The following RAB31 variants were observed in gnomAD, a reference collection of about 807,000 sequenced individuals.
RAB31 encodes the protein ras-related protein Rab-31.
In RAB31, 21 loss-of-function variants were observed where a neutral mutation model predicts 25.6. The ratio of observed to expected loss-of-function variants is 0.82; its 90% CI spans 0.58 to 1.18. The LOEUF (loss-of-function observed/expected upper bound fraction) is 1.18, where lower values mean the gene tolerates loss of function less well. Ranked by LOEUF, RAB31 falls within the 50% of genes most tolerant of loss-of-function variation. The pLI, the probability that RAB31 is intolerant of heterozygous loss-of-function variation, is 0.00. For synonymous variants in RAB31, 87 were observed against 84.0 expected (o/e 1.04, Z -0.20); for missense variants, 196 against 250.1 (o/e 0.78, Z 1.46).
chr18:9,738,348 C>A (rs1187084119), intron 1 of RAB31, among the ~76,000 whole-genome samples: 14 of 152,118 alleles, frequency 9.2e-5, no homozygotes. Flanking sequence ...ACAGGAAAGA[C>A]CAAGGCAAGA....
chr18:9,765,041 C>G (rs71362101), intron 1 of RAB31, among the ~76,000 whole-genome samples: 82 of 152,188 alleles, frequency 5.4e-4, no homozygotes, highest in Non-Finnish European at 9.0e-4. Flanking sequence ...CAACCTACGC[C>G]TCCTGGGCTC....
intron 2 of RAB31, among the ~76,000 whole-genome samples, chr18:9,785,410 G>A (rs1159412850): frequency 6.6e-6 from 1 of 152,144 alleles, no homozygotes; most frequent in Non-Finnish European, 1.5e-5. Context: ...CACATGCAAA[G>A]ATCTTATCAT....
intron 5 of RAB31, among the ~76,000 whole-genome samples, chr18:9,845,369 A>G (rs1050841371): frequency 2.0e-5 from 3 of 152,208 alleles, no homozygotes; most frequent in Non-Finnish European, 4.4e-5. Context: ...ACTATTTTAT[A>G]TATGCATATC....
chr18:9,846,497 T>TTGGG (rs2068762587), intron 6 of RAB31, among the ~76,000 whole-genome samples: 1 of 152,178 alleles, frequency 6.6e-6, no homozygotes, highest in Non-Finnish European at 1.5e-5. Flanking sequence ...ATCAGGGACG[T>TTGGG]TGGGAGAAGT....
At chr18:9,755,132 A>G (rs1311690083) in intron 1 of RAB31, among the ~76,000 whole-genome samples, 1 of 152,228 alleles carries the variant, frequency 6.6e-6, no homozygotes, top group African/African-American at 2.4e-5. Flanking sequence ...ATGCAAATGA[A>G]AAGAGTCTAG....
At chr18:9,722,547 A>G (rs2068078462) in intron 1 of RAB31, among the ~76,000 whole-genome samples, 1 of 152,204 alleles carries the variant, frequency 6.6e-6, no homozygotes, top group Non-Finnish European at 1.5e-5. Flanking sequence ...ATTTGTATTT[A>G]ATCAATGTAT....
At chr18:9,802,551 A>G (rs746232200) in intron 3 of RAB31, among the ~76,000 whole-genome samples, 2 of 152,312 alleles carry the variant, frequency 1.3e-5, no homozygotes, top group East Asian at 1.9e-4. Flanking sequence ...GTGCATGCCT[A>G]TAAGAGGGAT....
At chr18:9,857,547 C>T (rs575190960) in intron 6 of RAB31, among the ~76,000 whole-genome samples, 12 of 135,752 alleles carry the variant, frequency 8.8e-5, no homozygotes, top group African/African-American at 3.2e-4. Flanking sequence ...ATACCACAAC[C>T]AAAAAAAAAA....
At chr18:9,792,644 C>T (rs776907072) in intron 3 of RAB31, among the ~76,000 whole-genome samples, 1 of 152,198 alleles carries the variant, frequency 6.6e-6, no homozygotes, top group African/African-American at 2.4e-5. Flanking sequence ...TGCACCTCTT[C>T]TGCAAGTGGG....
intron 5 of RAB31, among the ~76,000 whole-genome samples, chr18:9,816,593 C>T (rs189602738): frequency 1.2e-3 from 186 of 152,270 alleles, no homozygotes; most frequent in Admixed American, 4.0e-3. Flanking sequence ...CAGAATACGA[C>T]ACATTGTATG....
chr18:9,836,300 A>G (rs942981209), intron 5 of RAB31, among the ~76,000 whole-genome samples: 24 of 152,196 alleles, frequency 1.6e-4, no homozygotes, highest in African/African-American at 5.8e-4. Context: ...CTGTTACAGT[A>G]TTTTAGAACT....
chr18:9,753,253 G>A (rs1406618412), intron 1 of RAB31, among the ~76,000 whole-genome samples: 1 of 152,208 alleles, frequency 6.6e-6, no homozygotes, highest in Non-Finnish European at 1.5e-5. Context: ...GGTGGGGCCT[G>A]TAGGAGGTAA....
chr18:9,759,194 T>C (rs2145482525), intron 1 of RAB31, among the ~76,000 whole-genome samples: 2 of 152,138 alleles, frequency 1.3e-5, no homozygotes, highest in African/African-American at 2.4e-5. Context: ...TCTTTTTGTT[T>C]TTGTTTTTGT....
intron 1 of RAB31, among the ~76,000 whole-genome samples, chr18:9,762,449 T>C (rs889676233): frequency 1.3e-5 from 2 of 152,326 alleles, no homozygotes; most frequent in African/African-American, 4.8e-5. Flanking sequence ...CCTGTATCAC[T>C]CATCAGTGAC....
At chr18:9,737,462 A>G (rs1262856990) in intron 1 of RAB31, among the ~76,000 whole-genome samples, 2 of 152,214 alleles carry the variant, frequency 1.3e-5, no homozygotes, top group Non-Finnish European at 2.9e-5. Context: ...CTGCAATTCA[A>G]TATTTAGAGT....
At chr18:9,763,210 G>A (rs995566896) in intron 1 of RAB31, among the ~76,000 whole-genome samples, 7 of 151,992 alleles carry the variant, frequency 4.6e-5, no homozygotes, top group Admixed American at 3.9e-4. Context: ...GTCCTTGGAC[G>A]AGTTGCTTTA....
intron 5 of RAB31, among the ~76,000 whole-genome samples, chr18:9,839,080 C>T (rs926880094): frequency 1.3e-5 from 2 of 152,154 alleles, no homozygotes; most frequent in Non-Finnish European, 2.9e-5. Flanking sequence ...GGTTCTGGTC[C>T]GAAGACATCC....
chr18:9,821,650 A>G (rs1210148257), intron 5 of RAB31, among the ~76,000 whole-genome samples: 4 of 152,158 alleles, frequency 2.6e-5, no homozygotes, highest in African/African-American at 4.8e-5. Flanking sequence ...TCAGATTTCT[A>G]TATATTAATA....
At chr18:9,746,298 A>G (rs1406576068) in intron 1 of RAB31, among the ~76,000 whole-genome samples, 2 of 152,196 alleles carry the variant, frequency 1.3e-5, no homozygotes, top group Non-Finnish European at 2.9e-5. Context: ...ATAAATCCCT[A>G]TTCATGGATT....
Sources: allele counts gnomAD v4.1 joint callset (sites outside exome capture counted in the v4.1 genomes callset), GRCh38; gene constraint gnomAD v4.1.1; transcripts MANE v1.5; gene names NCBI Gene and HGNC (gene_info 2026-07-23, HGNC 2026-07-21).